The following PTPRD variants were observed in gnomAD, a reference collection of about 807,000 sequenced individuals.
PTPRD encodes protein tyrosine phosphatase receptor type D.
In PTPRD, 34 loss-of-function variants were observed where a neutral mutation model predicts 214.5. The observed-to-expected ratio is 0.16, with a 90% CI of 0.12 to 0.21. PTPRD has a LOEUF of 0.21. Among genes scored for constraint, PTPRD ranks in the 10% least tolerant of loss-of-function variants. The probability of loss-of-function intolerance (pLI) is 1.00; values close to 1 mark genes in which losing one functional copy is unlikely to be tolerated. For missense variants in PTPRD, 2,545 were observed against 2,398.7 expected, an observed-to-expected ratio of 1.06 and a Z score of -1.27; for synonymous variants, 1,128 against 845.7, an observed-to-expected ratio of 1.33 and a Z score of -5.79.
intron 7 of PTPRD, among the ~76,000 whole-genome samples, chr9:9,675,828 G>A (rs1462094125): frequency 1.3e-5 from 2 of 151,762 alleles, no homozygotes; most frequent in South Asian, 2.1e-4. Flanking sequence ...TAAAAACATC[G>A]ACCTAATCTT....
At chr9:8,356,965 G>C (rs2077126030) in intron 39 of PTPRD, among the ~76,000 whole-genome samples, 1 of 152,146 alleles carries the variant, frequency 6.6e-6, no homozygotes, top group South Asian at 2.1e-4. Context: ...ATGAGTGGCA[G>C]CATCTGAAAA....
At chr9:8,318,303 C>G (rs914704087) in intron 45 of PTPRD, among the ~76,000 whole-genome samples, 21 of 151,974 alleles carry the variant, frequency 1.4e-4, no homozygotes, top group African/African-American at 4.8e-4. Flanking sequence ...TGAAAATCAT[C>G]CTTTACAATT....
chr9:9,430,574 A>G (rs1318718047), intron 8 of PTPRD, among the ~76,000 whole-genome samples: 1 of 152,230 alleles, frequency 6.6e-6, no homozygotes, highest in Non-Finnish European at 1.5e-5. Context: ...ATATGGAACA[A>G]AAAAGAGCCC....
intron 8 of PTPRD, among the ~76,000 whole-genome samples, chr9:9,508,791 T>C (rs894869662): frequency 6.6e-6 from 1 of 151,596 alleles, no homozygotes; most frequent in Non-Finnish European, 1.5e-5. Flanking sequence ...TCCCTGGCTG[T>C]CTCCTATTCT....
intron 11 of PTPRD, among the ~76,000 whole-genome samples, chr9:8,919,107 C>A (rs2154267750): frequency 6.6e-6 from 1 of 152,208 alleles, no homozygotes; most frequent in East Asian, 1.9e-4. Context: ...GAGCTGTTAT[C>A]TAACTGCAGT....
intron 8 of PTPRD, chr9:9,442,200 C>T (rs2088265860): frequency 6.6e-6 from 1 of 152,188 alleles, no homozygotes; most frequent in African/African-American, 2.4e-5. Flanking sequence ...ATATGGTGAC[C>T]TCCCGGGAGC....
chr9:10,319,990 G>T (rs2096525311), intron 3 of PTPRD, among the ~76,000 whole-genome samples: 1 of 151,944 alleles, frequency 6.6e-6, no homozygotes, highest in South Asian at 2.1e-4. Flanking sequence ...ATTTCTCATG[G>T]AAATTCTAAT....
intron 5 of PTPRD, among the ~76,000 whole-genome samples, chr9:9,780,191 G>A (rs1329304785): frequency 1.3e-5 from 2 of 152,266 alleles, no homozygotes; most frequent in East Asian, 1.9e-4. Context: ...TCACTTATAA[G>A]TGGGAGCTAA....
At chr9:10,352,308 T>C (rs2097196711) in intron 2 of PTPRD, among the ~76,000 whole-genome samples, 1 of 152,058 alleles carries the variant, frequency 6.6e-6, no homozygotes, top group African/African-American at 2.4e-5. Context: ...CCTTGTTTCA[T>C]CGCTAGAAGT....
At position 9,487,302 on chromosome 9, in the gene PTPRD, C is replaced by T. The variant is rs528073630; in HGVS notation, c.-237+87430G>A. Among the ~76,000 whole-genome samples, 575 of 150,446 alleles carry T rather than the reference C, an allele frequency of 3.8e-3. 1 individual carries two copies. Among genetic ancestry groups the T allele is most frequent in the African/African-American group, 0.013 (539 of 40,840 alleles). On this transcript the variant is annotated intron_variant, in intron 8 of 45. Transcript: ENST00000381196. ...TTCAATTCCCACCTATGAGTGAGAA[C>T]ATGTGGTGTTTAGTTTTTTGTCCTT...
chr9:8,850,772 T>A (rs978331850), intron 11 of PTPRD, among the ~76,000 whole-genome samples: 1 of 152,208 alleles, frequency 6.6e-6, no homozygotes, highest in Non-Finnish European at 1.5e-5. Flanking sequence ...AATATTTCAG[T>A]TAAGTTACTA....
intron 7 of PTPRD, among the ~76,000 whole-genome samples, chr9:9,716,238 T>A (rs541795680): frequency 4.7e-4 from 72 of 152,354 alleles, no homozygotes; most frequent in African/African-American, 1.6e-3. Flanking sequence ...CACATTTTTT[T>A]AATTCAGTCT....
At chr9:9,163,685 G>A (rs2099895352) in intron 10 of PTPRD, among the ~76,000 whole-genome samples, 1 of 152,058 alleles carries the variant, frequency 6.6e-6, no homozygotes, top group Non-Finnish European at 1.5e-5. Flanking sequence ...CTGCCCTTAT[G>A]ATCAAGATCA....
chr9:8,735,404 A>G (rs2090023763), intron 11 of PTPRD, among the ~76,000 whole-genome samples: 1 of 151,966 alleles, frequency 6.6e-6, no homozygotes. Context: ...TCAGCCTCCC[A>G]AAGTGCTAGG....
At chr9:8,821,902 A>G (rs1447308516) in intron 11 of PTPRD, among the ~76,000 whole-genome samples, 7 of 152,118 alleles carry the variant, frequency 4.6e-5, no homozygotes, top group Non-Finnish European at 8.8e-5. Flanking sequence ...TGACCTCGTG[A>G]TCCACCCACC....
chr9:9,559,794 C>T (rs1335766313), intron 8 of PTPRD, among the ~76,000 whole-genome samples: 3 of 152,186 alleles, frequency 2.0e-5, no homozygotes, highest in Non-Finnish European at 2.9e-5. Flanking sequence ...CAGCTGCCAA[C>T]CCATGAAAAA....
intron 14 of PTPRD, among the ~76,000 whole-genome samples, chr9:8,625,357 G>C (rs141092762): frequency 1.3e-5 from 2 of 151,860 alleles, no homozygotes; most frequent in East Asian, 3.9e-4. Context: ...TAGTTGACCA[G>C]TAAATGACAG....
chr9:9,948,737 TAAGAGA>T (rs1007816069), intron 4 of PTPRD, among the ~76,000 whole-genome samples: 1 of 152,000 alleles, frequency 6.6e-6, no homozygotes, highest in African/African-American at 2.4e-5. Context: ...GTTAAAAAGA[TAAGAGA>T]AAGGAGATTT....
At chr9:10,185,741 G>T (rs776117088) in intron 3 of PTPRD, among the ~76,000 whole-genome samples, 1 of 149,554 alleles carries the variant, frequency 6.7e-6, no homozygotes, top group African/African-American at 2.4e-5. Flanking sequence ...AGAACCAGCG[G>T]TTTTTTTTTT....
Sources: gnomAD v4.1 joint callset for allele counts (sites outside exome capture counted in the v4.1 genomes callset) on GRCh38, gnomAD v4.1.1 for gene constraint, MANE v1.5 for transcripts, NCBI Gene and HGNC (gene_info 2026-07-23, HGNC 2026-07-21) for gene names.